Variants in ATP8A1 observed in about 807,000 individuals in gnomAD.
ATP8A1 encodes the protein phospholipid-transporting ATPase IA.
In ATP8A1, 90 loss-of-function variants were observed where a neutral mutation model predicts 177.7. The observed-to-expected ratio is 0.51, with a 90% confidence interval of 0.43 to 0.60. The LOEUF (loss-of-function observed/expected upper bound fraction) is 0.60. ATP8A1 is among the 20% of genes least tolerant of loss of function. The probability of loss-of-function intolerance (pLI) is 0.00; values close to 1 mark genes in which losing one functional copy is unlikely to be tolerated. For synonymous variants in ATP8A1, 493 were observed against 485.9 expected (o/e 1.01, Z -0.19); for missense variants, 1,072 against 1,392.8 (o/e 0.77, Z 3.67).
intron 1 of ATP8A1, among the ~76,000 whole-genome samples, chr4:42,635,337 T>C (rs1739164266): frequency 1.3e-5 from 2 of 151,832 alleles, no homozygotes; most frequent in East Asian, 1.9e-4. Flanking sequence ...AAGGCTGTAA[T>C]TGGAATCAGA....
At chr4:42,472,310 C>T in intron 25 of ATP8A1, 1 of 513,040 alleles carries the variant, frequency 1.9e-6, no homozygotes, top group Non-Finnish European at 3.8e-6. Flanking sequence ...AAGGCTGAAA[C>T]TTTTTCTGGT....
In ATP8A1 at chr4:42,533,898, G is replaced by C. The variant is rs115921419; in HGVS notation, c.1723-9051C>G. Among the ~76,000 whole-genome samples, 459 of 152,256 alleles carry C rather than the reference G, an allele frequency of 3.0e-3. 3 individuals are homozygous for C. The highest frequency in any genetic ancestry group is 0.011 in the African/African-American group (438 of 41,530). ...AGCCCAGAGTCTGGTATCTCTGTGG[G>C]GTGGCTAGATCAAGAACGGAAATAA... On this transcript the variant is annotated intron_variant, in intron 20 of 36. Transcript: ENST00000381668.
chr4:42,544,289 C>T (rs1036631733), intron 19 of ATP8A1, among the ~76,000 whole-genome samples: 9 of 151,974 alleles, frequency 5.9e-5, no homozygotes, highest in South Asian at 2.1e-4. Context: ...TCAATGTTTT[C>T]GGATTTGAAA....
At chr4:42,600,180 A>C (rs1735100820) in intron 6 of ATP8A1, among the ~76,000 whole-genome samples, 2 of 152,216 alleles carry the variant, frequency 1.3e-5, no homozygotes, top group South Asian at 4.1e-4. Flanking sequence ...TAGATGAGTA[A>C]AGCAAAAAAT....
At chr4:42,444,377 T>G (rs1023704147) in intron 32 of ATP8A1, among the ~76,000 whole-genome samples, 1 of 152,170 alleles carries the variant, frequency 6.6e-6, no homozygotes, top group Non-Finnish European at 1.5e-5. Flanking sequence ...ATGCACTTGT[T>G]TAAGTTTGTT....
At chr4:42,597,041 C>G (rs566430059) in intron 6 of ATP8A1, among the ~76,000 whole-genome samples, 1 of 152,142 alleles carries the variant, frequency 6.6e-6, no homozygotes, top group Non-Finnish European at 1.5e-5. Flanking sequence ...GGTTTCAGGG[C>G]AGTAACTGGA....
intron 31 of ATP8A1, among the ~76,000 whole-genome samples, chr4:42,446,111 T>G (rs1270497069): frequency 9.0e-6 from 1 of 110,708 alleles, no homozygotes; most frequent in Non-Finnish European, 2.0e-5. Context: ...AGAAGAGATA[T>G]AGTTTGAAAT....
intron 24 of ATP8A1, among the ~76,000 whole-genome samples, chr4:42,503,219 CAAT>C (rs1334343041): frequency 6.6e-6 from 1 of 152,184 alleles, no homozygotes; most frequent in Non-Finnish European, 1.5e-5. Context: ...TTCTGTCTCA[CAAT>C]ATTACGCAAA....
Position 42,513,490 on chromosome 4 carries a change from A to G in ATP8A1, c.1948-6336T>C, listed in dbSNP as rs566924670. The stretch of plus-strand genomic sequence containing the variant: ...GACACTTGACTTTAAATACTAAACA[A>G]TGAATTAAGGTTTAGCCAAGAAATG... On this transcript the variant is annotated intron_variant, in intron 22 of 36. Coordinates refer to ENST00000381668, the MANE Select transcript of ATP8A1 (RefSeq NM_006095.2). Among the ~76,000 whole-genome samples, 31 of 152,334 alleles carry G rather than the reference A, an allele frequency of 2.0e-4. 2 individuals are homozygous for G. In the South Asian group the frequency reaches 6.2e-3, roughly 31 times the overall value.
chr4:42,573,532 A>C (rs1397531069), intron 14 of ATP8A1, among the ~76,000 whole-genome samples: 1 of 152,214 alleles, frequency 6.6e-6, no homozygotes, highest in Non-Finnish European at 1.5e-5. Flanking sequence ...GGGAAGCAGT[A>C]AGTATGCTTC....
intron 15 of ATP8A1, among the ~76,000 whole-genome samples, chr4:42,562,811 T>C (rs1177631540): frequency 6.6e-6 from 1 of 152,200 alleles, no homozygotes; most frequent in Non-Finnish European, 1.5e-5. Flanking sequence ...ACAAGCTCTC[T>C]TTGCCTGCTG....
intron 1 of ATP8A1, among the ~76,000 whole-genome samples, chr4:42,640,610 C>G (rs998652069): frequency 6.6e-6 from 1 of 152,174 alleles, no homozygotes; most frequent in Non-Finnish European, 1.5e-5. Context: ...AATGAAGACA[C>G]ACGATTCCAT....
rs903025339 is a variant in ATP8A1, at chr4:42,585,235, C to T, written c.722+1114G>A. Among the ~76,000 whole-genome samples the T allele has an allele frequency of 2.6e-5, 4 of 152,204 alleles. No homozygotes were observed. The East Asian group carries it at 5.8e-4, about 22-fold the overall frequency. On this transcript the variant is annotated intron_variant, in intron 9 of 36. Transcript: ENST00000381668. Reference sequence around the variant, plus strand: ...ACAAAAAGTTGTTCCCTTCCAAAGACACCCAATCTTCCTTATTCTGTGCTA... The same window carrying T: ...ACAAAAAGTTGTTCCCTTCCAAAGATACCCAATCTTCCTTATTCTGTGCTA...
chr4:42,525,021 A>G (rs1219124831), intron 20 of ATP8A1, among the ~76,000 whole-genome samples, 174 bp from the exon 21 acceptor site: 4 of 152,242 alleles, frequency 2.6e-5, no homozygotes, highest in East Asian at 3.8e-4. Context: ...AGTGACATTA[A>G]TAAGTCTCTA....
rs756257257 is a variant in ATP8A1, at chr4:42,616,275, T to C, written c.364-197A>G. ...AGAGCACACCTAGGAATTTTAAAAC[T>C]GAAAGAACAATTCCCAGTATCTCCA... On this transcript the variant is annotated intron_variant, in intron 4 of 36. Coordinates refer to ENST00000381668, the MANE Select transcript of ATP8A1 (RefSeq NM_006095.2). Among the ~76,000 whole-genome samples, 4 of 152,332 alleles carry C rather than the reference T, an allele frequency of 2.6e-5. No individual in the cohort carries two copies. The South Asian group carries it at 8.3e-4, about 32-fold the overall frequency.
chr4:42,490,486 G>A (rs1048526609), intron 24 of ATP8A1, among the ~76,000 whole-genome samples: 2 of 152,050 alleles, frequency 1.3e-5, no homozygotes, highest in African/African-American at 4.8e-5. Flanking sequence ...TCCAAATTTG[G>A]CCCCTGTCAC....
intron 25 of ATP8A1, among the ~76,000 whole-genome samples, chr4:42,483,524 G>A (rs1266206873): frequency 6.6e-6 from 1 of 152,132 alleles, no homozygotes; most frequent in East Asian, 1.9e-4. Context: ...TGAGCCGCAC[G>A]TGCACGGCAG....
At chr4:42,529,472 C>T (rs994751851) in intron 20 of ATP8A1, among the ~76,000 whole-genome samples, 2 of 152,154 alleles carry the variant, frequency 1.3e-5, no homozygotes, top group Admixed American at 6.5e-5. Flanking sequence ...GGGTCATGCA[C>T]CAGCAGCACT....
chr4:42,518,400 T>C (rs1430432355), intron 22 of ATP8A1, among the ~76,000 whole-genome samples: 1 of 152,164 alleles, frequency 6.6e-6, no homozygotes, highest in Non-Finnish European at 1.5e-5. Context: ...AAAGTCCACA[T>C]ACAAATGTAA....
Sources: gnomAD v4.1 joint callset for allele counts (sites outside exome capture counted in the v4.1 genomes callset) on GRCh38, gnomAD v4.1.1 for gene constraint, MANE v1.5 for transcripts, NCBI Gene and HGNC (gene_info 2026-07-23, HGNC 2026-07-21) for gene names.